The following ZDHHC6 variants were observed in gnomAD, a reference collection of about 807,000 sequenced individuals.
The protein encoded by ZDHHC6 is palmitoyltransferase ZDHHC6.
ZDHHC6 carries 32 observed loss-of-function variants against 57.8 expected under a neutral mutation model. The observed-to-expected ratio is 0.55, with a 90% CI of 0.42 to 0.74. ZDHHC6 has a LOEUF of 0.74. Among genes scored for constraint, ZDHHC6 ranks in the 30% least tolerant of loss-of-function variants. The pLI is 0.00. For synonymous variants in ZDHHC6, 128 were observed against 158.0 expected (o/e 0.81, Z 1.42); for missense variants, 433 against 500.7 (o/e 0.86, Z 1.29).
upstream of ZDHHC6, chr10:112,447,211 C>G: frequency 1.6e-6 from 1 of 641,856 alleles, no homozygotes; most frequent in Non-Finnish European, 2.6e-6. Context: ...ACCGAGATTG[C>G]GACGAACAAC....
At chr10:112,447,259 C>T (rs775684944), upstream of ZDHHC6, 19 of 1,119,444 alleles carry the variant, frequency 1.7e-5, no homozygotes, top group Non-Finnish European at 2.2e-5. Context: ...CCCGGTTCTC[C>T]GTTCTGCTCT....
chr10:112,427,374 T>C, downstream of ZDHHC6: 2 of 1,604,512 alleles, frequency 1.2e-6, no homozygotes, highest in Non-Finnish European at 1.7e-6. Context: ...GGTACTTAAG[T>C]ACCTGCCGGC....
At chr10:112,426,518 ACT>A (rs748577646), downstream of ZDHHC6, 48 of 640,384 alleles carry the variant, frequency 7.5e-5, no homozygotes, top group Non-Finnish European at 1.2e-4. Flanking sequence ...AAAAAATAAA[ACT>A]CTCTTTTCTA....
At chr10:112,425,107 C>G in exon 12 of ZDHHC6, 2 of 337,274 alleles carry the variant, frequency 5.9e-6, no homozygotes, top group Non-Finnish European at 1.1e-5. Flanking sequence ...AGGAGACTTT[C>G]TCTAAGGCTG....
intron 10 of ZDHHC6, among the ~76,000 whole-genome samples, chr10:112,431,747 A>C (rs573116364): frequency 7.2e-5 from 11 of 151,920 alleles, no homozygotes; most frequent in East Asian, 5.8e-4. Flanking sequence ...AAAAAAAAAA[A>C]CACAAAGTTT....
downstream of ZDHHC6, among the ~76,000 whole-genome samples, chr10:112,428,654 C>A (rs185714786): frequency 2.6e-3 from 403 of 152,092 alleles, no homozygotes; most frequent in African/African-American, 9.3e-3. Flanking sequence ...ACCTGTAGTC[C>A]CAGCTACTCA....
At position 112,438,105 on chromosome 10, in the gene ZDHHC6, G is replaced by A. The variant is rs3736058; in HGVS notation, c.735+231C>T. On this transcript the variant is annotated intron_variant, in intron 6 of 10. Transcript: ENST00000369405. ...TTAGGCCTCTGCGACCACTCAGGGT[G>A]TATGAGAAGCACCTTTCTGTGGGAG... Among the ~76,000 whole-genome samples, 92 of 152,330 alleles carry A rather than the reference G, an allele frequency of 6.0e-4. 3 individuals carry two copies. In the East Asian group the frequency reaches 0.018, roughly 29 times the overall value.
At chr10:112,433,642 C>A (rs907926414) in intron 7 of ZDHHC6, 8 of 187,454 alleles carry the variant, frequency 4.3e-5, no homozygotes, top group Non-Finnish European at 7.6e-5. Flanking sequence ...AGACAAACTA[C>A]AAATGAATAA....
In ZDHHC6 at chr10:112,445,306, A is replaced by G. The variant is rs1304914161; in HGVS notation, c.131T>C (p.Leu44Ser). The change falls in exon 2 of 11, where the codon TTG becomes TCG. Residue 44 changes from leucine (L) to serine (S), a missense_variant. By Grantham distance (145) the Leu-to-Ser change is moderately radical (BLOSUM62 -2). Transcript: ENST00000369405. ...CSTMAMIDSV[L>S]WYWPLHTTGG... ...AGTTGTATGTAAGGGCCAATACCAC[A>G]ACACAGAGTCAATCATGGCCATGGT... 1 of 1,614,118 alleles carries G rather than the reference A, an allele frequency of 6.2e-7. No individual in the cohort carries two copies. The highest frequency in any genetic ancestry group is 8.5e-7 in the Non-Finnish European group (1 of 1,180,052).
intron 7 of ZDHHC6, 156 bp from the exon 8 acceptor site, chr10:112,433,437 G>A: frequency 1.9e-6 from 1 of 539,622 alleles, no homozygotes; most frequent in Non-Finnish European, 3.1e-6. Flanking sequence ...GTTTTAGCAT[G>A]GAAAAAAAGG....
chr10:112,433,379 C>G, intron 7 of ZDHHC6, 98 bp from the exon 8 acceptor site: 1 of 959,366 alleles, frequency 1.0e-6, no homozygotes, highest in African/African-American at 1.7e-5. Flanking sequence ...TGGCAAAACC[C>G]CAATTTTCCA....
chr10:112,444,880 C>A (rs1846486162), intron 2 of ZDHHC6, among the ~76,000 whole-genome samples: 1 of 151,922 alleles, frequency 6.6e-6, no homozygotes, highest in Admixed American at 6.6e-5. Context: ...TGTGATGTTT[C>A]CTAAACTTTT....
chr10:112,437,327 T>C (rs1466653121), intron 6 of ZDHHC6, among the ~76,000 whole-genome samples: 1 of 152,216 alleles, frequency 6.6e-6, no homozygotes, highest in African/African-American at 2.4e-5. Flanking sequence ...AAATGACCGA[T>C]GCCTGATGTT....
At chr10:112,438,201 T>C (rs1845731427) in intron 6 of ZDHHC6, 135 bp downstream of exon 6, 2 of 557,822 alleles carry the variant, frequency 3.6e-6, no homozygotes, top group Non-Finnish European at 5.5e-6. Context: ...CGGTAGCCAT[T>C]TGGCAGCCAT....
chr10:112,428,361 T>TAA (rs1844819740), downstream of ZDHHC6: 6 of 398,400 alleles, frequency 1.5e-5, no homozygotes, highest in Non-Finnish European at 2.7e-5. Context: ...GTCTTTAAAA[T>TAA]AAACTATTAC....
chr10:112,440,693 G>A lies in ZDHHC6; in HGVS notation c.522C>T (p.Leu174=). Residue 174 remains leucine (L), a splice_region_variant and synonymous_variant, in exon 5 of 11, where the codon CTC becomes CTT. Coordinates refer to ENST00000369405, the MANE Select transcript of ZDHHC6 (RefSeq NM_022494.3). ...MTMYTQLYHR[L]SFGWNTVKID... is the part of the protein sequence containing the mutation. ...TCTTCACTGTGTTCCACCCAAAGGA[G>A]AGCTATCGCAGCAACAATAGCACAC... 6.2e-7 allele frequency: 1 copy of A among 1,610,676 alleles called. No individual in the cohort carries two copies. Among genetic ancestry groups the A allele is most frequent in the Non-Finnish European group, 8.5e-7 (1 of 1,177,876 alleles).
intron 5 of ZDHHC6, 32 bp downstream of exon 5, chr10:112,440,502 C>T (rs367984606): frequency 2.5e-6 from 4 of 1,588,426 alleles, no homozygotes; most frequent in Non-Finnish European, 3.4e-6. Context: ...AACAACTTGA[C>T]ACTTTTGACT....
At chr10:112,425,231 G>C in exon 12 of ZDHHC6, 1 of 1,041,166 alleles carries the variant, frequency 9.6e-7, no homozygotes, top group South Asian at 1.8e-5. Context: ...AAAAGTCTCT[G>C]GAGAAATCAG....
downstream of ZDHHC6, among the ~76,000 whole-genome samples, chr10:112,428,665 G>A (rs1844831001): frequency 6.6e-6 from 1 of 151,976 alleles, no homozygotes; most frequent in South Asian, 2.1e-4. Context: ...CAGCTACTCA[G>A]AAGATTGAGG....
Sources: allele counts gnomAD v4.1 joint callset (sites outside exome capture counted in the v4.1 genomes callset), GRCh38; gene constraint gnomAD v4.1.1; transcripts MANE v1.5; gene names NCBI Gene and HGNC (gene_info 2026-07-23, HGNC 2026-07-21).